The following FSTL4 variants were observed in gnomAD, a reference collection of about 807,000 sequenced individuals.
The protein encoded by FSTL4 is follistatin-related protein 4.
FSTL4 carries 28 observed loss-of-function variants against 78.2 expected under a neutral mutation model. That is an observed-to-expected ratio of 0.36 (90% CI 0.27 to 0.49). The LOEUF (loss-of-function observed/expected upper bound fraction) is 0.49, where lower values mean the gene tolerates loss of function less well. Among genes scored for constraint, FSTL4 ranks in the 20% least tolerant of loss-of-function variants. The probability of loss-of-function intolerance (pLI) is 0.98; values close to 1 mark genes in which losing one functional copy is unlikely to be tolerated. For missense variants in FSTL4, 922 were observed against 1,084.9 expected (o/e 0.85, Z 2.11); for synonymous variants, 422 against 440.5 (o/e 0.96, Z 0.53).
intron 4 of FSTL4, among the ~76,000 whole-genome samples, chr5:133,317,949 T>C (rs1753949469): frequency 6.6e-6 from 1 of 152,176 alleles, no homozygotes; most frequent in Non-Finnish European, 1.5e-5. Flanking sequence ...TGTCTGTCTG[T>C]TTCTCTCTTC....
At chr5:133,734,735 A>G in the FSTL4 span, among the ~76,000 whole-genome samples, 3 of 152,092 alleles carry the variant, frequency 2.0e-5, no homozygotes, top group African/African-American at 7.2e-5. Flanking sequence ...TTCTCAGCCC[A>G]GTGTTTTCTT....
At chr5:133,306,895 G>A (rs748810552) in intron 6 of FSTL4, among the ~76,000 whole-genome samples, 33 of 152,118 alleles carry the variant, frequency 2.2e-4, no homozygotes, top group Non-Finnish European at 4.0e-4. Flanking sequence ...AGGGTGATGG[G>A]GCACACACAG....
At chr5:133,778,722 T>C in the FSTL4 span, among the ~76,000 whole-genome samples, 3 of 152,182 alleles carry the variant, frequency 2.0e-5, no homozygotes, top group Admixed American at 6.5e-5. Flanking sequence ...TTGAAAGGCC[T>C]CAGAATTGGC....
chr5:133,695,003 A>G, the FSTL4 span, among the ~76,000 whole-genome samples: 5 of 152,176 alleles, frequency 3.3e-5, no homozygotes, highest in African/African-American at 9.7e-5. Flanking sequence ...CATTCAGTCC[A>G]TAATGCCTTG....
rs757120227 is a variant in FSTL4, at chr5:133,199,312, A to C, written c.2312T>G (p.Val771Gly). 5.0e-6 allele frequency: 8 copies of C among 1,613,780 alleles called. No homozygotes were observed. The African/African-American group carries it at 9.4e-5, about 19-fold the overall frequency. Residue 771 changes from valine (V) to glycine (G), a missense_variant, in exon 16 of 16, where the codon GTG (valine) becomes GGG (glycine). Coordinates refer to ENST00000265342, the MANE Select transcript of FSTL4 (RefSeq NM_015082.2). The surrounding 1 kb of genome is among the most constrained non-coding windows in gnomAD (Gnocchi z 4.4). ...CTCCTTTAAGTTCTTCAGCATGCCC[A>C]CCTTCCCCGTGGACAGCTCCAGGAA... is the stretch of plus-strand genomic sequence containing the variant. ...LLFLELSTGK[V>G]GMLKNLKEPP... is the part of the protein sequence containing the mutation.
intron 3 of FSTL4, among the ~76,000 whole-genome samples, chr5:133,517,260 T>C (rs1161314135): frequency 6.7e-6 from 1 of 149,556 alleles, no homozygotes; most frequent in African/African-American, 2.5e-5. Context: ...TGTTCTCTAC[T>C]AAAAATACAA....
chr5:133,369,484 C>A (rs973989441), intron 4 of FSTL4, among the ~76,000 whole-genome samples: 4 of 152,024 alleles, frequency 2.6e-5, no homozygotes, highest in Admixed American at 6.5e-5. Flanking sequence ...TAAGGCCAAT[C>A]CCCTCTATTG....
intron 2 of FSTL4, among the ~76,000 whole-genome samples, chr5:133,576,169 A>G (rs1419602836): frequency 6.6e-6 from 1 of 152,230 alleles, no homozygotes; most frequent in Non-Finnish European, 1.5e-5. Context: ...CTCAGCTACC[A>G]AAAAACAGTT....
chr5:133,202,990 C>T (rs576725112), intron 14 of FSTL4, among the ~76,000 whole-genome samples: 39 of 152,306 alleles, frequency 2.6e-4, no homozygotes, highest in South Asian at 1.7e-3. Context: ...GCCATGAAAC[C>T]CCTGTGGTCA....
chr5:133,206,934 T>G (rs561086105), intron 14 of FSTL4, among the ~76,000 whole-genome samples: 105 of 149,246 alleles, frequency 7.0e-4, no homozygotes, highest in African/African-American at 2.6e-3. Context: ...AAATAATTAA[T>G]AGTCTCTTTT....
In FSTL4 at chr5:133,196,812, C is replaced by A. The variant is rs1428219882; in HGVS notation, c.*2283G>T. The A allele has an allele frequency of 6.6e-6, 1 of 152,296 alleles. No homozygotes were observed. Among genetic ancestry groups the A allele is most frequent in the Non-Finnish European group, 1.5e-5 (1 of 68,098 alleles). 9.4% of individuals were successfully genotyped at this position (152,296 alleles called of 1,614,324 possible). A position where few individuals can be genotyped will look rare whatever the true frequency, so the allele number is the denominator to read the frequency against. ...CTGCCAAAAGGCATTTACCTCCCTGCATTGGTGACTTTGCCTCCTGGGGCT... is the reference window on the plus strand; with the variant it reads ...CTGCCAAAAGGCATTTACCTCCCTGAATTGGTGACTTTGCCTCCTGGGGCT... On this transcript the variant is annotated 3_prime_UTR_variant, in exon 16 of 16. Coordinates refer to ENST00000265342, the MANE Select transcript of FSTL4 (RefSeq NM_015082.2).
chr5:133,294,162 G>A (rs1055260897), intron 6 of FSTL4, among the ~76,000 whole-genome samples: 9 of 152,054 alleles, frequency 5.9e-5, no homozygotes, highest in East Asian at 1.9e-4. Context: ...TTTGGCAACC[G>A]TCCCACAGCC....
chr5:133,217,331 C>G lies in FSTL4; in HGVS notation c.1506G>C (p.Gln502His), dbSNP rs1322457257. 1 of 1,613,982 alleles carries G rather than the reference C, an allele frequency of 6.2e-7. No individual in the cohort carries two copies. Among genetic ancestry groups the G allele is most frequent in the East Asian group, 2.2e-5 (1 of 44,894 alleles). Residue 502 changes from glutamine (Q) to histidine (H), a missense_variant, in exon 13 of 16, where the codon CAG becomes CAC. Coordinates refer to ENST00000265342, the MANE Select transcript of FSTL4 (RefSeq NM_015082.2). ...TCCGGACATTGACTGCAGATACCCA[C>G]TGGCAGGGCTGGGTTGCATTTTTTT... is the stretch of plus-strand genomic sequence containing the variant. The part of the protein sequence containing the change: ...QREKNATQPC[Q>H]WVSAVNVRNR...
the FSTL4 span, among the ~76,000 whole-genome samples, chr5:133,832,100 C>T: frequency 2.5e-4 from 38 of 152,318 alleles, no homozygotes; most frequent in Admixed American, 4.6e-4. Context: ...GCGGACTTAA[C>T]TGGGGCTTGT....
intron 3 of FSTL4, among the ~76,000 whole-genome samples, chr5:133,423,515 T>C (rs1364469839): frequency 2.0e-5 from 3 of 152,184 alleles, no homozygotes; most frequent in African/African-American, 7.2e-5. Flanking sequence ...TGTGAGGAGT[T>C]AGCCCCTGCT....
At chr5:133,761,100 A>T in the FSTL4 span, among the ~76,000 whole-genome samples, 21 of 152,234 alleles carry the variant, frequency 1.4e-4, no homozygotes, top group Admixed American at 1.4e-3. Flanking sequence ...CTTCATAATG[A>T]AATATGAGCT....
intron 13 of FSTL4, among the ~76,000 whole-genome samples, chr5:133,215,386 T>C (rs966914072): frequency 2.0e-5 from 3 of 152,184 alleles, no homozygotes; most frequent in African/African-American, 7.2e-5. Flanking sequence ...CAAATCGATA[T>C]CTCTAGCTTA....
chr5:133,364,221 G>A (rs1755130177), intron 4 of FSTL4, among the ~76,000 whole-genome samples: 1 of 151,982 alleles, frequency 6.6e-6, no homozygotes, highest in African/African-American at 2.4e-5. Context: ...TGCATCTTGA[G>A]CTAGGCTCTG....
Position 133,204,374 on chromosome 5 carries a change from C to A in FSTL4, c.1717-2332G>T, listed in dbSNP as rs370999944. ...TCCTTCAGTGTTGGATATTTAGAAACAATATTAGGATATTATTTTTAATCT... is the reference window on the plus strand; with the variant it reads ...TCCTTCAGTGTTGGATATTTAGAAAAAATATTAGGATATTATTTTTAATCT... On this transcript the variant is annotated intron_variant, in intron 14 of 15. Coordinates refer to ENST00000265342, the MANE Select transcript of FSTL4 (RefSeq NM_015082.2). Among the ~76,000 whole-genome samples the A allele has an allele frequency of 9.2e-5, 14 of 152,198 alleles. No homozygotes were observed. In the East Asian group the frequency reaches 2.7e-3, roughly 29 times the overall value.
Sources: gnomAD v4.1 joint callset for allele counts (sites outside exome capture counted in the v4.1 genomes callset) on GRCh38, gnomAD v4.1.1 for gene constraint, Gnocchi (gnomAD v3.1) non-coding constraint, MANE v1.5 for transcripts, NCBI Gene and HGNC (gene_info 2026-07-23, HGNC 2026-07-21) for gene names.